The following ZNF516 variants were observed in gnomAD, a reference collection of about 807,000 sequenced individuals.
ZNF516 encodes the protein zinc finger protein 516.
ZNF516 carries 19 observed loss-of-function variants against 79.7 expected under a neutral mutation model. The observed-to-expected ratio is 0.24, with a 90% CI of 0.17 to 0.35. The LOEUF (loss-of-function observed/expected upper bound fraction) is 0.35, where lower values mean the gene tolerates loss of function less well. Among genes scored for constraint, ZNF516 ranks in the 10% least tolerant of loss-of-function variants. The pLI is 1.00. For synonymous variants in ZNF516, 877 were observed against 739.5 expected (o/e 1.19, Z -3.02); for missense variants, 1,678 against 1,679.5 (o/e 1.00, Z 0.02).
chr18:76,423,760 G>C (rs1352667213), intron 3 of ZNF516, among the ~76,000 whole-genome samples: 2 of 135,986 alleles, frequency 1.5e-5, no homozygotes, highest in East Asian at 4.7e-4. Context: ...AGGTGAAAAG[G>C]CTCCCCCGAA....
chr18:76,366,924 C>G (rs1256586823), intron 6 of ZNF516, among the ~76,000 whole-genome samples: 2 of 152,160 alleles, frequency 1.3e-5, no homozygotes, highest in Admixed American at 6.6e-5. Flanking sequence ...ATTATATTAT[C>G]TGGGTCTCTC....
intron 3 of ZNF516, among the ~76,000 whole-genome samples, chr18:76,404,487 A>G (rs1248329237): frequency 1.3e-5 from 2 of 151,628 alleles, no homozygotes; most frequent in Non-Finnish European, 2.9e-5. Context: ...GTGAGCATGT[A>G]AGCATGTGTG....
chr18:76,495,802 A>G (rs1301346722), upstream of ZNF516: 2 of 1,087,728 alleles, frequency 1.8e-6, no homozygotes, highest in Admixed American at 4.9e-5. Flanking sequence ...TGTGCATTAC[A>G]CACGGCGTAG....
At chr18:76,414,466 A>C (rs753326200) in intron 3 of ZNF516, among the ~76,000 whole-genome samples, 1 of 152,196 alleles carries the variant, frequency 6.6e-6, no homozygotes, top group Non-Finnish European at 1.5e-5. Flanking sequence ...CCAGCTGGCA[A>C]TACAGGCAAT....
In ZNF516 at chr18:76,462,458, G is replaced by C. The variant is rs1599129179; in HGVS notation, c.-158+570C>G. On this transcript the variant is annotated intron_variant, in intron 2 of 6. Transcript: ENST00000443185. ...GCAGGTCTCAGCAGAGAGATTAGCG[G>C]TCCACCTCATTAAAGACCTGCCTGG... Among the ~76,000 whole-genome samples, 3 of 152,318 alleles carry C rather than the reference G, an allele frequency of 2.0e-5. No homozygotes were observed. In the East Asian group the frequency reaches 5.8e-4, roughly 29 times the overall value.
In ZNF516 at chr18:76,366,540, G is replaced by A. The variant is rs577618284; in HGVS notation, c.3433-3983C>T. On this transcript the variant is annotated intron_variant, in intron 6 of 6. Coordinates refer to ENST00000443185, the MANE Select transcript of ZNF516 (RefSeq NM_014643.4). ...CTGGCAGGTTCCGACAAAGCCACAA[G>A]ACACCAAGTAAAGAAAACATGCCAT... Among the ~76,000 whole-genome samples, 13 of 152,270 alleles carry A rather than the reference G, an allele frequency of 8.5e-5. No individual in the cohort carries two copies. The South Asian group carries it at 2.7e-3, about 32-fold the overall frequency.
Position 76,447,880 on chromosome 18 carries a change from TGTGA to T in ZNF516, c.-157-4673_-157-4670del, listed in dbSNP as rs1290577720. 4.6e-5 allele frequency among the ~76,000 whole-genome samples: 7 copies of T among 152,150 alleles called. No individual in the cohort carries two copies. The East Asian group carries it at 1.4e-3, about 29-fold the overall frequency. On this transcript the variant is annotated intron_variant, in intron 2 of 6. Coordinates refer to ENST00000443185, the MANE Select transcript of ZNF516 (RefSeq NM_014643.4). ...GATTTCCAATGGATCTCTTGCTGTA[TGTGA>T]GTGTGTGTGAGTGTGTGTGTATGTG...
chr18:76,472,347 CACAG>C lies in ZNF516; in HGVS notation c.-271-9210_-271-9207del, dbSNP rs568354688. Among the ~76,000 whole-genome samples, 1,049 of 151,536 alleles carry C rather than the reference CACAG, an allele frequency of 6.9e-3. 16 individuals carry two copies. The highest frequency in any genetic ancestry group is 0.025 in the African/African-American group (1,023 of 40,870). On this transcript the variant is annotated intron_variant, in intron 1 of 6. Coordinates refer to ENST00000443185, the MANE Select transcript of ZNF516 (RefSeq NM_014643.4). ...CCCTGCCATCCCTGACAGGCATGTG[CACAG>C]ACACTTGCACATGTGTGTGTGCATT...
chr18:76,403,923 A>G (rs1420054059), intron 3 of ZNF516, among the ~76,000 whole-genome samples: 4 of 152,216 alleles, frequency 2.6e-5, no homozygotes, highest in Admixed American at 6.5e-5. Flanking sequence ...ATGTCTACAA[A>G]AAGCACAGGT....
rs1013579646 is a variant in ZNF516, at chr18:76,404,900, G to A, written c.1811-24597C>T. 9.2e-5 allele frequency among the ~76,000 whole-genome samples: 14 copies of A among 152,094 alleles called. 1 individual carries two copies. The highest frequency in any genetic ancestry group is 6.2e-4 in the South Asian group (3 of 4,832). ...GGTGAGCATGACTGTGAGTAGGAGC[G>A]TGTGTGTGTGGGGCCGTCCCTGCAG... On this transcript the variant is annotated intron_variant, in intron 3 of 6. Transcript: ENST00000443185.
upstream of ZNF516, chr18:76,495,622 C>G (rs747128437): frequency 6.2e-6 from 4 of 643,334 alleles, no homozygotes; most frequent in Non-Finnish European, 8.6e-6. Context: ...GGTCGCCCCT[C>G]GTCAAGGTCT....
intron 3 of ZNF516, among the ~76,000 whole-genome samples, chr18:76,405,087 T>C (rs2075286567): frequency 6.6e-6 from 1 of 152,160 alleles, no homozygotes; most frequent in Admixed American, 6.5e-5. Context: ...ATACTCGCTT[T>C]CCTCAGCACC....
intron 6 of ZNF516, among the ~76,000 whole-genome samples, chr18:76,369,220 A>T (rs1469030141): frequency 2.0e-5 from 3 of 152,240 alleles, no homozygotes; most frequent in African/African-American, 7.2e-5. Context: ...TACACTTGGA[A>T]ATCTTTTCAT....
chr18:76,427,178 T>C (rs1343573633), intron 3 of ZNF516, among the ~76,000 whole-genome samples: 10 of 152,242 alleles, frequency 6.6e-5, no homozygotes, highest in Non-Finnish European at 1.3e-4. Context: ...CATGTCATAA[T>C]ACATTATTAT....
At chr18:76,409,773 C>CA (rs1282237891) in intron 3 of ZNF516, among the ~76,000 whole-genome samples, 1 of 152,164 alleles carries the variant, frequency 6.6e-6, no homozygotes, top group East Asian at 1.9e-4. Context: ...GGCTTTGCTA[C>CA]AAATTACATG....
intron 1 of ZNF516, among the ~76,000 whole-genome samples, chr18:76,479,753 C>T (rs1324083732): frequency 2.6e-5 from 4 of 152,242 alleles, no homozygotes; most frequent in Non-Finnish European, 4.4e-5. Context: ...TGCAGAGGGG[C>T]AGACATTGGC....
At chr18:76,374,832 C>T (rs775406975) in intron 4 of ZNF516, among the ~76,000 whole-genome samples, 60 of 152,134 alleles carry the variant, frequency 3.9e-4, no homozygotes, top group Non-Finnish European at 7.5e-4. Context: ...CTAGCAGACA[C>T]GTAACAAACA....
intron 2 of ZNF516, among the ~76,000 whole-genome samples, chr18:76,455,904 A>G (rs765186638): frequency 5.3e-5 from 8 of 152,210 alleles, no homozygotes; most frequent in Non-Finnish European, 1.2e-4. Flanking sequence ...CACCTCGATT[A>G]TCTAAATGAG....
At chr18:76,482,888 C>G (rs982968982) in intron 1 of ZNF516, among the ~76,000 whole-genome samples, 1 of 152,148 alleles carries the variant, frequency 6.6e-6, no homozygotes, top group African/African-American at 2.4e-5. Flanking sequence ...TTAAATAAGT[C>G]TTTGCATTTC....
Sources: allele counts gnomAD v4.1 joint callset (sites outside exome capture counted in the v4.1 genomes callset), GRCh38; gene constraint gnomAD v4.1.1; transcripts MANE v1.5; gene names NCBI Gene and HGNC (gene_info 2026-07-23, HGNC 2026-07-21).